The following URI1 variants were observed in gnomAD, a reference collection of about 807,000 sequenced individuals.
URI1 encodes the protein URI1 prefoldin like chaperone.
Under a neutral mutation model 60.2 loss-of-function variants are expected in URI1, and 39 were observed. The ratio of observed to expected loss-of-function variants is 0.65; its 90% CI spans 0.50 to 0.85. The LOEUF (loss-of-function observed/expected upper bound fraction) is 0.85, where lower values mean the gene tolerates loss of function less well. Ranked by LOEUF, URI1 falls within the 40% of genes least tolerant of loss-of-function variation. URI1 has a pLI of 0.00. For synonymous variants in URI1, 251 were observed against 236.8 expected, an observed-to-expected ratio of 1.06 and a Z score of -0.55; for missense variants, 691 against 665.9, an observed-to-expected ratio of 1.04 and a Z score of -0.42.
At chr19:29,934,603 A>G (rs1208156259) in intron 1 of URI1, among the ~76,000 whole-genome samples, 1 of 152,132 alleles carries the variant, frequency 6.6e-6, no homozygotes, top group Non-Finnish European at 1.5e-5. Context: ...TGGTGAGCTC[A>G]TAGCTCACTG....
chr19:29,983,818 C>G (rs926270776), intron 2 of URI1, among the ~76,000 whole-genome samples: 5 of 152,266 alleles, frequency 3.3e-5, no homozygotes, highest in African/African-American at 7.2e-5. Context: ...CATGGAAATA[C>G]GATCATCTCT....
intron 1 of URI1, among the ~76,000 whole-genome samples, chr19:29,932,318 G>T (rs6417164): frequency 0.8 from 120,422 of 150,356 alleles, 49,533 homozygotes; most frequent in Non-Finnish European, 0.89. Flanking sequence ...TGATGATGAT[G>T]ATTATTATTA....
chr19:29,994,363 A>G (rs1389164362), intron 4 of URI1, among the ~76,000 whole-genome samples: 2 of 149,162 alleles, frequency 1.3e-5, no homozygotes, highest in Non-Finnish European at 3.0e-5. Flanking sequence ...ACCACCATCC[A>G]TCTCCAGATA....
Position 29,970,128 on chromosome 19 carries a change from A to ATTTTT in URI1, c.118-1041_118-1037dup, listed in dbSNP as rs199739403. Reference sequence around the variant, plus strand: ...GACAGGTCTAAAAAAAATCGTGTGTATTTTTTTTTTTTTTTTTTTTTTTTT... The same window carrying ATTTTT: ...GACAGGTCTAAAAAAAATCGTGTGTATTTTTTTTTTTTTTTTTTTTTTTTTTTTTT... On this transcript the variant is annotated intron_variant, in intron 1 of 10. Coordinates refer to ENST00000392271, the MANE Select transcript of URI1 (RefSeq NM_003796.3). 7.5e-4 allele frequency among the ~76,000 whole-genome samples: 56 copies of ATTTTT among 74,526 alleles called. 2 individuals are homozygous for ATTTTT. The highest frequency in any genetic ancestry group is 2.3e-3 in the African/African-American group (47 of 20,852). 48.9% of individuals were successfully genotyped at this position (74,526 alleles called of 152,430 possible). A position where few individuals can be genotyped will look rare whatever the true frequency, so the allele number is the denominator to read the frequency against.
At chr19:29,966,903 G>T (rs1162740041) in intron 1 of URI1, among the ~76,000 whole-genome samples, 1 of 152,200 alleles carries the variant, frequency 6.6e-6, no homozygotes, top group African/African-American at 2.4e-5. Context: ...GCAGTATGGT[G>T]AGACAAGTTT....
chr19:29,927,101 C>T (rs1368376727), intron 1 of URI1, among the ~76,000 whole-genome samples: 1 of 152,148 alleles, frequency 6.6e-6, no homozygotes, highest in East Asian at 1.9e-4. Context: ...GGCTACTGGA[C>T]TTCCCAGGTG....
rs191722416 is a variant in URI1 at position 29,955,259 on chromosome 19, C to T, written c.117+12595C>T. Among the ~76,000 whole-genome samples, 340 of 151,948 alleles carry T rather than the reference C, an allele frequency of 2.2e-3. 1 individual carries two copies. Among genetic ancestry groups the T allele is most frequent in the African/African-American group, 7.8e-3 (324 of 41,420 alleles). On this transcript the variant is annotated intron_variant, in intron 1 of 10. Transcript: ENST00000392271. ...GATTACAGGCGTGAGCCACCGTGCC[C>T]GGCCTCCTTATCATATTTTGTGGTT...
intron 4 of URI1, among the ~76,000 whole-genome samples, chr19:29,989,525 G>A (rs570053781): frequency 6.6e-6 from 1 of 151,752 alleles, no homozygotes; most frequent in East Asian, 1.9e-4. Context: ...CCGGGTTCAA[G>A]TGATTCTCCT....
intron 1 of URI1, among the ~76,000 whole-genome samples, chr19:29,947,506 T>C (rs2055117426): frequency 6.6e-6 from 1 of 152,238 alleles, no homozygotes; most frequent in Admixed American, 6.5e-5. Flanking sequence ...TTCTCCCTGC[T>C]TCAGTCTTTA....
At chr19:30,003,973 G>A (rs1426652261) in intron 4 of URI1, among the ~76,000 whole-genome samples, 1 of 151,884 alleles carries the variant, frequency 6.6e-6, no homozygotes, top group Admixed American at 6.6e-5. Flanking sequence ...AACAACTGCC[G>A]ACATAGTTTT....
At chr19:29,951,944 G>A (rs971218369) in intron 1 of URI1, among the ~76,000 whole-genome samples, 1 of 152,166 alleles carries the variant, frequency 6.6e-6, no homozygotes, top group Non-Finnish European at 1.5e-5. Flanking sequence ...GAAATTGACT[G>A]TTTCTTCCAA....
intron 1 of URI1, among the ~76,000 whole-genome samples, chr19:29,955,745 C>T (rs886748613): frequency 4.6e-5 from 7 of 151,454 alleles, no homozygotes; most frequent in Admixed American, 3.9e-4. Flanking sequence ...CACCCACCAC[C>T]GTGCCCAGCT....
chr19:29,992,573 C>T (rs1483735219), intron 4 of URI1, among the ~76,000 whole-genome samples: 2 of 152,118 alleles, frequency 1.3e-5, no homozygotes, highest in African/African-American at 4.8e-5. Flanking sequence ...TCTTATTACT[C>T]TGTTGTTGCT....
intron 4 of URI1, among the ~76,000 whole-genome samples, chr19:29,988,253 G>A (rs996327820): frequency 6.6e-6 from 1 of 151,308 alleles, no homozygotes; most frequent in Admixed American, 6.6e-5. Flanking sequence ...GTATATTGTT[G>A]TACTTCACAT....
upstream of URI1, among the ~76,000 whole-genome samples, chr19:29,941,148 G>A (rs1447638844): frequency 6.6e-6 from 1 of 152,234 alleles, no homozygotes; most frequent in Non-Finnish European, 1.5e-5. Flanking sequence ...ACCAGGCTGT[G>A]ACTCTGCAGG....
chr19:29,990,713 G>A (rs2055735661), intron 4 of URI1, among the ~76,000 whole-genome samples: 1 of 152,146 alleles, frequency 6.6e-6, no homozygotes, highest in Admixed American at 6.5e-5. Context: ...GGCCAGGAAG[G>A]TGTGAGAGAG....
intron 1 of URI1, among the ~76,000 whole-genome samples, chr19:29,942,903 C>A (rs146108454): frequency 8.5e-4 from 130 of 152,244 alleles, no homozygotes; most frequent in African/African-American, 3.0e-3. Flanking sequence ...TGAAGGCGTG[C>A]GGCAGCGCGT....
At chr19:29,979,680 A>G (rs1319556500) in intron 2 of URI1, among the ~76,000 whole-genome samples, 1 of 152,182 alleles carries the variant, frequency 6.6e-6, no homozygotes, top group Non-Finnish European at 1.5e-5. Flanking sequence ...TAATCTTGGT[A>G]TCTATGTCTA....
chr19:29,960,958 A>T (rs1392446580), intron 1 of URI1, among the ~76,000 whole-genome samples: 2 of 152,024 alleles, frequency 1.3e-5, no homozygotes, highest in Non-Finnish European at 2.9e-5. Flanking sequence ...AGCTCAAGTG[A>T]TCCTGCCTGA....
Sources: allele counts gnomAD v4.1 joint callset (sites outside exome capture counted in the v4.1 genomes callset), GRCh38; gene constraint gnomAD v4.1.1; transcripts MANE v1.5; gene names NCBI Gene and HGNC (gene_info 2026-07-23, HGNC 2026-07-21).